Variants in CCSER2 observed in about 807,000 individuals in gnomAD.
The protein encoded by CCSER2 is coiled-coil serine rich protein 2.
Under a neutral mutation model 92.3 loss-of-function variants are expected in CCSER2, and 46 were observed. The ratio of observed to expected loss-of-function variants is 0.50; its 90% CI spans 0.39 to 0.64. CCSER2 has a LOEUF of 0.64. Among genes scored for constraint, CCSER2 ranks in the 30% least tolerant of loss-of-function variants. The pLI, the probability that CCSER2 is intolerant of heterozygous loss-of-function variation, is 0.00. For synonymous variants in CCSER2, 433 were observed against 431.4 expected (o/e 1.00, Z -0.04); for missense variants, 1,244 against 1,238.9 (o/e 1.00, Z -0.06).
At chr10:84,331,187 C>T (rs1843543047) in intron 1 of CCSER2, among the ~76,000 whole-genome samples, 1 of 152,206 alleles carries the variant, frequency 6.6e-6, no homozygotes, top group East Asian at 1.9e-4. Context: ...ACCTACATCT[C>T]ATATCTCCTG....
chr10:84,491,329 C>G (rs550510821), intron 9 of CCSER2, among the ~76,000 whole-genome samples: 1 of 152,308 alleles, frequency 6.6e-6, no homozygotes, highest in South Asian at 2.1e-4. Flanking sequence ...CTGTGCCCTG[C>G]CCCCAGAGGT....
At chr10:84,328,859 C>CG (rs986489013) in intron 1 of CCSER2, 51 bp downstream of exon 1, 2 of 152,046 alleles carry the variant, frequency 1.3e-5, no homozygotes, top group Non-Finnish European at 2.9e-5. Context: ...CGGCGGGCGC[C>CG]GGGGGCAGCC....
chr10:84,385,031 A>ACC (rs1554838169), intron 3 of CCSER2, among the ~76,000 whole-genome samples: 1 of 151,998 alleles, frequency 6.6e-6, no homozygotes, highest in African/African-American at 2.4e-5. Flanking sequence ...ACACACACAC[A>ACC]CACCCAGGAA....
chr10:84,517,119 T>C lies in CCSER2; in HGVS notation c.*2852T>C, dbSNP rs1300585580. The C allele has an allele frequency of 6.6e-6, 1 of 152,222 alleles. No individual in the cohort carries two copies. The highest frequency in any genetic ancestry group is 6.5e-5 in the Admixed American group (1 of 15,290). The allele number at this position is 152,222 out of a possible 1,614,324, so 9.4% of individuals were successfully genotyped here. ...AAACCATTTATTGTCTTAGTTCTAG[T>C]GGTATCAATGAAGATAGTTACAGTA... is the stretch of plus-strand genomic sequence containing the variant. On this transcript the variant is annotated 3_prime_UTR_variant, in exon 10 of 10. Coordinates refer to ENST00000372088, the MANE Select transcript of CCSER2 (RefSeq NM_001284240.2).
Position 84,373,775 on chromosome 10 carries a change from A to G in CCSER2, c.1574A>G (p.His525Arg), listed in dbSNP as rs1846190039. ...GGCTTGGAACCCATTGGAAATGTCC[A>G]TCCAGTTGGGAGCTATGAGTCCTCT... ...EEGLEPIGNV[H>R]PVGSYESSEM... Residue 525 changes from histidine (H) to arginine (R), a missense_variant, in exon 3 of 10, where the codon CAT becomes CGT. Coordinates refer to ENST00000372088, the MANE Select transcript of CCSER2 (RefSeq NM_001284240.2). 6.2e-7 allele frequency: 1 copy of G among 1,613,774 alleles called. No individual in the cohort carries two copies. Among genetic ancestry groups the G allele is most frequent in the Non-Finnish European group, 8.5e-7 (1 of 1,179,742 alleles).
chr10:84,517,456 T>A lies in CCSER2; in HGVS notation c.*3189T>A. Reference sequence around the variant, plus strand: ...CATATAGGCTACTGTTCATTGTATTTATATATATATTAGAATTTACTAAGT... The same window carrying A: ...CATATAGGCTACTGTTCATTGTATTAATATATATATTAGAATTTACTAAGT... On this transcript the variant is annotated 3_prime_UTR_variant, in exon 10 of 10. Coordinates refer to ENST00000372088, the MANE Select transcript of CCSER2 (RefSeq NM_001284240.2). 1 of 152,568 alleles carries A rather than the reference T, an allele frequency of 6.6e-6. No homozygotes were observed. The highest frequency in any genetic ancestry group is 1.9e-4 in the East Asian group (1 of 5,196). 9.5% of individuals were successfully genotyped at this position (152,568 alleles called of 1,614,324 possible). A position where few individuals can be genotyped will look rare whatever the true frequency, so the allele number is the denominator to read the frequency against.
chr10:84,424,974 C>T (rs1010546184), intron 4 of CCSER2: 84 of 984,626 alleles, frequency 8.5e-5, no homozygotes, highest in East Asian at 3.4e-4. Flanking sequence ...AGTAGGCAGC[C>T]GGTAACACAA....
intron 6 of CCSER2, among the ~76,000 whole-genome samples, chr10:84,460,262 T>TG (rs1213426127): frequency 6.7e-6 from 1 of 149,814 alleles, no homozygotes; most frequent in Non-Finnish European, 1.5e-5. Context: ...GCTGATTTTT[T>TG]TTTTTTTTTT....
At chr10:84,342,804 T>C (rs1410275548) in intron 1 of CCSER2, among the ~76,000 whole-genome samples, 1 of 152,252 alleles carries the variant, frequency 6.6e-6, no homozygotes, top group Non-Finnish European at 1.5e-5. Flanking sequence ...TTAAATCCAC[T>C]GTGAACCTTA....
intron 1 of CCSER2, among the ~76,000 whole-genome samples, chr10:84,330,543 T>C (rs1843506038): frequency 1.3e-5 from 2 of 152,202 alleles, no homozygotes; most frequent in Admixed American, 1.3e-4. Flanking sequence ...GACAGAGTCT[T>C]GCACTGTGGC....
intron 1 of CCSER2, among the ~76,000 whole-genome samples, chr10:84,363,048 T>G (rs1261384710): frequency 6.6e-6 from 1 of 150,788 alleles, no homozygotes; most frequent in East Asian, 1.9e-4. Flanking sequence ...GGTTTTACCA[T>G]GTTGGCCAGG....
chr10:84,459,375 A>G (rs34919295), intron 6 of CCSER2, among the ~76,000 whole-genome samples: 8,872 of 151,926 alleles, frequency 0.058, 372 homozygotes, highest in Admixed American at 0.1. Context: ...TTCGCCTTTT[A>G]TTTCTTTTTC....
intron 5 of CCSER2, among the ~76,000 whole-genome samples, chr10:84,432,334 T>G (rs984129595): frequency 6.6e-6 from 1 of 152,194 alleles, no homozygotes; most frequent in African/African-American, 2.4e-5. Context: ...ATACTGAGGT[T>G]TGGGATACAG....
At chr10:84,486,856 C>T (rs1310579110) in intron 9 of CCSER2, among the ~76,000 whole-genome samples, 1 of 152,188 alleles carries the variant, frequency 6.6e-6, no homozygotes, top group Non-Finnish European at 1.5e-5. Flanking sequence ...AGGCTTTCTT[C>T]TAGAGTTTTT....
chr10:84,494,430 T>C lies in CCSER2; in HGVS notation c.2325+16766T>C, dbSNP rs936085545. On this transcript the variant is annotated intron_variant, in intron 9 of 9. Coordinates refer to ENST00000372088, the MANE Select transcript of CCSER2 (RefSeq NM_001284240.2). ...GGGTCTTTGTGAACTGTTATCTTAA[T>C]GCCAACCTTCTCATCCAGTGACTCA... Among the ~76,000 whole-genome samples, 11 of 152,334 alleles carry C rather than the reference T, an allele frequency of 7.2e-5. No individual in the cohort carries two copies. The East Asian group carries it at 2.1e-3, about 29-fold the overall frequency.
At chr10:84,473,466 T>G (rs1388882755) in intron 8 of CCSER2, among the ~76,000 whole-genome samples, 1 of 152,216 alleles carries the variant, frequency 6.6e-6, no homozygotes, top group Non-Finnish European at 1.5e-5. Flanking sequence ...CTGCTTCTCA[T>G]TGCAAGCAGT....
At chr10:84,486,960 A>C (rs1210481907) in intron 9 of CCSER2, among the ~76,000 whole-genome samples, 1 of 152,164 alleles carries the variant, frequency 6.6e-6, no homozygotes, top group East Asian at 1.9e-4. Context: ...CTTTCTACAT[A>C]TGGCTAGCCA....
chr10:84,511,663 T>C (rs1280799973), intron 9 of CCSER2, among the ~76,000 whole-genome samples: 3 of 152,202 alleles, frequency 2.0e-5, no homozygotes, highest in African/African-American at 4.8e-5. Context: ...TCGTGCCTCC[T>C]TCCTAATTAC....
At chr10:84,456,040 G>A in intron 6 of CCSER2, 1 of 471,234 alleles carries the variant, frequency 2.1e-6, no homozygotes, top group Admixed American at 2.9e-5. Flanking sequence ...TGTTTCTGTA[G>A]CTCTTCCAAA....
Sources: allele counts gnomAD v4.1 joint callset (sites outside exome capture counted in the v4.1 genomes callset), GRCh38; gene constraint gnomAD v4.1.1; transcripts MANE v1.5; gene names NCBI Gene and HGNC (gene_info 2026-07-23, HGNC 2026-07-21).